NDE1: variants seen among roughly 807,000 people sequenced by gnomAD.
The protein encoded by NDE1 is nudE neurodevelopment protein 1.
A neutral mutation model predicts 43.4 loss-of-function variants in NDE1; 28 were observed. That is an observed-to-expected ratio of 0.65 (90% CI 0.48 to 0.89). The LOEUF (loss-of-function observed/expected upper bound fraction) is 0.89. Among genes scored for constraint, NDE1 ranks in the 40% least tolerant of loss-of-function variants. The probability of loss-of-function intolerance (pLI) is 0.00; values close to 1 mark genes in which losing one functional copy is unlikely to be tolerated. For missense variants in NDE1, 441 were observed against 434.1 expected (o/e 1.02, Z -0.14); for synonymous variants, 184 against 172.0 (o/e 1.07, Z -0.55).
intron 4 of NDE1, chr16:15,686,844 A>G (rs2038464205): frequency 4.7e-6 from 2 of 424,074 alleles, no homozygotes; most frequent in African/African-American, 2.2e-5. Flanking sequence ...GGATTACACT[A>G]CAACTGGCTA....
Position 15,719,760 on chromosome 16 carries a change from C to T in NDE1, c.948-4431C>T, listed in dbSNP as rs556526678. ...ACAAGCTCAGATGTCCTTACTCCCC[C>T]AAGTTCTGCTGCCCAGTTCAGCTTT... On this transcript the variant is annotated intron_variant, in intron 8 of 8. Coordinates refer to ENST00000396354, the MANE Select transcript of NDE1 (RefSeq NM_017668.3). 22 of 1,613,068 alleles carry T rather than the reference C, an allele frequency of 1.4e-5. No homozygotes were observed. In the East Asian group the frequency reaches 4.7e-4, roughly 34 times the overall value.
chr16:15,667,862 C>T (rs1323005585), intron 3 of NDE1, among the ~76,000 whole-genome samples: 1 of 151,630 alleles, frequency 6.6e-6, no homozygotes, highest in Non-Finnish European at 1.5e-5. Context: ...GAACTCCTGA[C>T]CTCGGGATCC....
intron 8 of NDE1, among the ~76,000 whole-genome samples, chr16:15,699,165 AT>A (rs2039135561): frequency 6.6e-6 from 1 of 151,736 alleles, no homozygotes; most frequent in African/African-American, 2.4e-5. Flanking sequence ...TCTCATTGAG[AT>A]TTCTAGAGGT....
intron 1 of NDE1, among the ~76,000 whole-genome samples, chr16:15,644,654 T>C (rs1452893128): frequency 6.6e-6 from 1 of 152,192 alleles, no homozygotes; most frequent in Non-Finnish European, 1.5e-5. Flanking sequence ...ATTATGTCTG[T>C]GTATAGGTAG....
Position 15,698,856 on chromosome 16 carries a change from T to C in NDE1, c.947+1996T>C, listed in dbSNP as rs1219752527. 4.0e-5 allele frequency among the ~76,000 whole-genome samples: 6 copies of C among 150,510 alleles called. No individual in the cohort carries two copies. In the South Asian group the frequency reaches 6.3e-4, roughly 16 times the overall value. On this transcript the variant is annotated intron_variant, in intron 8 of 8. Transcript: ENST00000396354. ...ACTCTGGGCAACAGAGTGAGACTCT[T>C]TCTCAAGAAAAAAAAAAAAATTAAT...
intron 1 of NDE1, among the ~76,000 whole-genome samples, chr16:15,663,550 T>C (rs562599865): frequency 1.3e-5 from 2 of 152,254 alleles, no homozygotes; most frequent in East Asian, 1.9e-4. Flanking sequence ...CTTTTTCATA[T>C]TCTTTCACAT....
At chr16:15,687,100 G>T in intron 4 of NDE1, 2 of 1,315,234 alleles carry the variant, frequency 1.5e-6, no homozygotes, top group Non-Finnish European at 2.0e-6. Flanking sequence ...GTCCTGATAG[G>T]GCTTTGGCTT....
chr16:15,664,861 G>C lies in NDE1; in HGVS notation c.83G>C (p.Arg28Thr). 1 of 1,610,006 alleles carries C rather than the reference G, an allele frequency of 6.2e-7. No individual in the cohort carries two copies. The highest frequency in any genetic ancestry group is 1.1e-5 in the South Asian group (1 of 90,918). Reference sequence around the variant, plus strand: ...GATCTGGCGATGACCTACAAACAGAGGTCAGTCCGAGTTCACCTGCTTTTC... The same window carrying C: ...GATCTGGCGATGACCTACAAACAGACGTCAGTCCGAGTTCACCTGCTTTTC... ...WKDLAMTYKQ[R>T]AENTQEELRE... The change falls in exon 2 of 9, where the codon AGG (arginine) becomes ACG (threonine). Residue 28 changes from arginine (R) to threonine (T), a missense_variant and splice_region_variant. Coordinates refer to ENST00000396354, the MANE Select transcript of NDE1 (RefSeq NM_017668.3).
chr16:15,650,899 C>T (rs939654071), intron 1 of NDE1, among the ~76,000 whole-genome samples: 4 of 152,214 alleles, frequency 2.6e-5, no homozygotes, highest in African/African-American at 7.2e-5. Flanking sequence ...TCCGGGAACA[C>T]GTTTGGGGCA....
intron 8 of NDE1, chr16:15,720,142 G>GTCACCCAA: frequency 6.2e-7 from 1 of 1,614,084 alleles, no homozygotes; most frequent in Non-Finnish European, 8.5e-7. Context: ...AGCTCCTAGT[G>GTCACCCAA]TCACCCACCT....
intron 8 of NDE1, among the ~76,000 whole-genome samples, chr16:15,711,816 C>T (rs1054689076): frequency 9.9e-5 from 15 of 152,230 alleles, no homozygotes; most frequent in Admixed American, 9.2e-4. Context: ...CCTCAGCCTC[C>T]CTAGTAGCTG....
At chr16:15,721,389 C>T (rs1167153928) in intron 8 of NDE1, 1 of 1,610,664 alleles carries the variant, frequency 6.2e-7, no homozygotes, top group South Asian at 1.1e-5. Context: ...GCAGGCGAAA[C>T]ATGGACGAGA....
chr16:15,655,561 G>A (rs570487062), intron 1 of NDE1, among the ~76,000 whole-genome samples: 27 of 152,344 alleles, frequency 1.8e-4, no homozygotes, highest in Admixed American at 3.3e-4. Context: ...CATTGTAGAA[G>A]TCAGTGTGGT....
At chr16:15,658,724 G>A (rs749815459) in intron 1 of NDE1, among the ~76,000 whole-genome samples, 4 of 152,126 alleles carry the variant, frequency 2.6e-5, no homozygotes, top group South Asian at 2.1e-4. Context: ...TGGTGTGATC[G>A]TGGTTCACTG....
chr16:15,674,267 T>C (rs2037751078), intron 3 of NDE1, among the ~76,000 whole-genome samples: 1 of 152,140 alleles, frequency 6.6e-6, no homozygotes, highest in African/African-American at 2.4e-5. Flanking sequence ...TGTTTTGAGA[T>C]GGAGTCTTGT....
intron 8 of NDE1, among the ~76,000 whole-genome samples, chr16:15,707,833 G>A (rs1468258044): frequency 2.0e-5 from 3 of 152,084 alleles, no homozygotes; most frequent in African/African-American, 4.8e-5. Flanking sequence ...TTAGCTGGGC[G>A]AGGTGGCGGG....
chr16:15,700,476 C>G (rs1480380982), intron 8 of NDE1: 1 of 147,040 alleles, frequency 6.8e-6, no homozygotes, highest in Non-Finnish European at 1.5e-5. Context: ...CAGAGTCATG[C>G]TCTTGCCCTG....
rs142830740 is a variant in NDE1, at chr16:15,700,201, G to A, written c.947+3341G>A. ...AACCTCCGCCTCCTGGGTTCAAACGGTTCTTGTTCCTGAGTCTTCCAGGTA... is the reference window on the plus strand; with the variant it reads ...AACCTCCGCCTCCTGGGTTCAAACGATTCTTGTTCCTGAGTCTTCCAGGTA... On this transcript the variant is annotated intron_variant, in intron 8 of 8. Coordinates refer to ENST00000396354, the MANE Select transcript of NDE1 (RefSeq NM_017668.3). The A allele has an allele frequency of 8.2e-5, 62 of 755,134 alleles. No individual in the cohort carries two copies. The African/African-American group carries it at 1.0e-3, about 12-fold the overall frequency. The allele number at this position is 755,134 out of a possible 1,614,324, so 46.8% of individuals were successfully genotyped here.
chr16:15,667,170 T>C, intron 2 of NDE1, 116 bp from the exon 3 acceptor site: 1 of 1,218,408 alleles, frequency 8.2e-7, no homozygotes, highest in Admixed American at 1.7e-5. Flanking sequence ...CGCTTGAACC[T>C]GGAAAGCAGA....
Sources: allele counts gnomAD v4.1 joint callset (sites outside exome capture counted in the v4.1 genomes callset), GRCh38; gene constraint gnomAD v4.1.1; transcripts MANE v1.5; gene names NCBI Gene and HGNC (gene_info 2026-07-23, HGNC 2026-07-21).